Variants in COPB1 observed in about 807,000 individuals in gnomAD.
The protein encoded by COPB1 is coat protein complex I subunit beta 1, also known as coatomer subunit beta.
Under a neutral mutation model 108.7 loss-of-function variants are expected in COPB1, and 21 were observed. The observed-to-expected ratio is 0.19, with a 90% CI of 0.14 to 0.28. The LOEUF is 0.28. COPB1 is among the 10% of genes least tolerant of loss of function. The pLI, the probability that COPB1 is intolerant of heterozygous loss-of-function variation, is 1.00. For missense variants in COPB1, 919 were observed against 1,141.3 expected (o/e 0.81, Z 2.81); for synonymous variants, 378 against 386.8 (o/e 0.98, Z 0.27).
chr11:14,458,676 A>C lies in COPB1; in HGVS notation c.2658T>G (p.Gly886=). Residue 886 remains glycine (G), a synonymous_variant, in exon 21 of 22, where the codon GGT becomes GGG. Coordinates refer to ENST00000439561, the MANE Select transcript of COPB1 (RefSeq NM_001144061.2). ...KCLTPEKALS[G]YCGFMAANLY... ...GGTTGGCTGCCATAAAGCCACAGTA[A>C]CCAGAAAGGGCCTGGAAAAAATTTG... 1 of 1,610,958 alleles carries C rather than the reference A, an allele frequency of 6.2e-7. No homozygotes were observed. Among genetic ancestry groups the C allele is most frequent in the Non-Finnish European group, 8.5e-7 (1 of 1,178,932 alleles).
intron 14 of COPB1, among the ~76,000 whole-genome samples, chr11:14,473,634 C>A (rs1217276592): frequency 6.6e-6 from 1 of 151,970 alleles, no homozygotes; most frequent in Non-Finnish European, 1.5e-5. Flanking sequence ...GGAATGGTTC[C>A]TGGCATCCCA....
At chr11:14,486,945 C>T (rs1850788308) in intron 6 of COPB1, among the ~76,000 whole-genome samples, 1 of 152,274 alleles carries the variant, frequency 6.6e-6, no homozygotes, top group Non-Finnish European at 1.5e-5. Context: ...TGGGTACTGT[C>T]ACAGGATATT....
chr11:14,491,984 T>C (rs1056994355), intron 4 of COPB1, among the ~76,000 whole-genome samples: 1 of 152,198 alleles, frequency 6.6e-6, no homozygotes, highest in Non-Finnish European at 1.5e-5. Context: ...CTTAATAAAA[T>C]CCATCACCTT....
chr11:14,488,617 C>A, intron 5 of COPB1, 33 bp from the exon 6 acceptor site: 1 of 1,412,646 alleles, frequency 7.1e-7, no homozygotes. Flanking sequence ...TATCATTCTC[C>A]ACCTCATTCA....
intron 14 of COPB1, 50 bp from the exon 15 acceptor site, chr11:14,469,613 G>T: frequency 7.0e-7 from 1 of 1,427,892 alleles, no homozygotes; most frequent in Non-Finnish European, 9.8e-7. Flanking sequence ...TTCTCAGATT[G>T]CAATCATGTC....
Position 14,482,984 on chromosome 11 carries a change from T to C in COPB1, c.957+48A>G, listed in dbSNP as rs375487293. The C allele has an allele frequency of 6.1e-6, 9 of 1,467,494 alleles. No homozygotes were observed. In the East Asian group the frequency reaches 6.9e-5, roughly 11 times the overall value. 90.9% of individuals were successfully genotyped at this position (1,467,494 alleles called of 1,614,324 possible). A position where few individuals can be genotyped will look rare whatever the true frequency, so the allele number is the denominator to read the frequency against. ...GGGCAAAGCTTGAGAATGACCTAAA[T>C]TTGAAAAACATTTTATTTAGGATCT... On this transcript the variant is annotated intron_variant, in intron 8 of 21. Transcript: ENST00000439561.
At chr11:14,481,218 C>A in intron 8 of COPB1, 121 bp from the exon 9 acceptor site, 6 of 704,946 alleles carry the variant, frequency 8.5e-6, no homozygotes, top group Non-Finnish European at 9.4e-6. Context: ...AATAACAAAA[C>A]CACTAGTGGT....
chr11:14,460,151 G>T, intron 20 of COPB1, 57 bp downstream of exon 20: 2 of 1,080,314 alleles, frequency 1.9e-6, no homozygotes, highest in Non-Finnish European at 2.8e-6. Context: ...ATACAGGAAG[G>T]CCAGGAACCT....
intron 13 of COPB1, among the ~76,000 whole-genome samples, chr11:14,475,043 A>G (rs1298799976): frequency 7.3e-6 from 1 of 137,840 alleles, no homozygotes; most frequent in Admixed American, 8.2e-5. Context: ...GCAGTGAGCC[A>G]TGATCGCGCC....
chr11:14,479,653 C>A lies in COPB1; in HGVS notation c.1274G>T (p.Arg425Leu). ...GTTATCAAAGCGCTGAATGGCTTCA[C>A]GAACAAACTCCAAGACATCAGCAGC... ...AAAADVLEFVREAIQRFDNLR... is the reference protein window; with the variant it reads ...AAAADVLEFVLEAIQRFDNLR... Residue 425 changes from arginine (R) to leucine (L), a missense_variant, in exon 11 of 22, where the codon CGT becomes CTT. Arg to Leu is a moderately radical substitution (Grantham distance 102, BLOSUM62 -2). Around this residue, in one of 5 missense-constraint regions of COPB1, gnomAD observed 705 missense variants for 817.8 expected, o/e 0.86. Coordinates refer to ENST00000439561, the MANE Select transcript of COPB1 (RefSeq NM_001144061.2). 6.2e-7 allele frequency: 1 copy of A among 1,611,778 alleles called. No individual in the cohort carries two copies. The highest frequency in any genetic ancestry group is 8.5e-7 in the Non-Finnish European group (1 of 1,179,266).
chr11:14,475,095 A>C (rs1850493224), intron 13 of COPB1, among the ~76,000 whole-genome samples: 7 of 13,130 alleles, frequency 5.3e-4, no homozygotes, highest in Admixed American at 5.3e-3. Flanking sequence ...CTCTGTGTCA[A>C]AAAAAAAAAA....
In COPB1 at chr11:14,494,275, G is replaced by C. The variant is rs1348368308; in HGVS notation, c.256C>G (p.Pro86Ala). The C allele has an allele frequency of 6.2e-7, 1 of 1,613,640 alleles. No homozygotes were observed. The highest frequency in any genetic ancestry group is 8.5e-7 in the Non-Finnish European group (1 of 1,179,852). Residue 86 changes from proline to alanine, a missense_variant, in exon 3 of 22, where the codon CCT (proline) becomes GCT (alanine). By Grantham distance (27) the Pro-to-Ala change is conservative. Around this residue, in one of 5 missense-constraint regions of COPB1, gnomAD observed 92 missense variants for 108.4 expected, o/e 0.85. Transcript: ENST00000439561. ...AGTCTCCCATCTGGAGTTGTTTTAG[G>C]AACAATTTCCCAAAATACCAGAAGT... ...KLLLVFWEIV[P>A]KTTPDGRLLH...
chr11:14,458,605 C>T lies in COPB1; in HGVS notation c.2729G>A (p.Ser910Asn). The T allele has an allele frequency of 1.2e-6, 2 of 1,613,822 alleles. No individual in the cohort carries two copies. The highest frequency in any genetic ancestry group is 1.7e-6 in the Non-Finnish European group (2 of 1,179,910). ...TCCCTGGTGAATTGGCTTCTCAATGCTGACATTTGCAAGTGCATCTTCACC... is the reference window on the plus strand; with the variant it reads ...TCCCTGGTGAATTGGCTTCTCAATGTTGACATTTGCAAGTGCATCTTCACC... ...IFGEDALANV[S>N]IEKPIHQGPD... The change falls in exon 21 of 22, where the codon AGC (serine) becomes AAC (asparagine). Residue 910 changes from serine (S) to asparagine (N), a missense_variant. By Grantham distance (46) the Ser-to-Asn change is conservative. Around this residue, in one of 5 missense-constraint regions of COPB1, gnomAD observed 705 missense variants for 817.8 expected, o/e 0.86. Transcript: ENST00000439561.
At chr11:14,461,620 C>T (rs376060971) in intron 18 of COPB1, among the ~76,000 whole-genome samples, 19 of 152,264 alleles carry the variant, frequency 1.2e-4, no homozygotes, top group South Asian at 8.3e-4. Flanking sequence ...GGATAGGATT[C>T]GAACTCAGGC....
At chr11:14,462,104 T>G (rs1850168754) in intron 18 of COPB1, among the ~76,000 whole-genome samples, 1 of 152,090 alleles carries the variant, frequency 6.6e-6, no homozygotes, top group South Asian at 2.1e-4. Context: ...TGTGGCTGGT[T>G]GAATCCATGG....
intron 18 of COPB1, among the ~76,000 whole-genome samples, chr11:14,463,771 G>C (rs1850218144): frequency 6.6e-6 from 1 of 152,138 alleles, no homozygotes; most frequent in Non-Finnish European, 1.5e-5. Flanking sequence ...CTGTTATGAT[G>C]ATGACATAAA....
chr11:14,485,322 C>A (rs1433548858), intron 7 of COPB1, among the ~76,000 whole-genome samples: 2 of 151,980 alleles, frequency 1.3e-5, no homozygotes, highest in Non-Finnish European at 2.9e-5. Flanking sequence ...ACACCTAGCA[C>A]CAGCTAATTA....
intron 8 of COPB1, among the ~76,000 whole-genome samples, 186 bp downstream of exon 8, chr11:14,482,846 T>C (rs1850690889): frequency 6.6e-6 from 1 of 152,190 alleles, no homozygotes; most frequent in African/African-American, 2.4e-5. Flanking sequence ...ATTTTAGAAA[T>C]ATTTTTTGTG....
At chr11:14,496,558 T>C (rs1467495656) in intron 2 of COPB1, among the ~76,000 whole-genome samples, 3 of 151,686 alleles carry the variant, frequency 2.0e-5, no homozygotes, top group Non-Finnish European at 4.4e-5. Flanking sequence ...GAAGAGAACA[T>C]CAACAAATGG....
Sources: gnomAD v4.1 joint callset for allele counts (sites outside exome capture counted in the v4.1 genomes callset) on GRCh38, gnomAD v4.1.1 for gene constraint, gnomAD v4.1.1 regional missense constraint, MANE v1.5 for transcripts, NCBI Gene and HGNC (gene_info 2026-07-23, HGNC 2026-07-21) for gene names.